ABCA1: variants seen among roughly 807,000 people sequenced by gnomAD.
ABCA1 encodes ATP binding cassette subfamily A member 1.
ABCA1 carries 133 observed loss-of-function variants against 262.5 expected under a neutral mutation model. That is an observed-to-expected ratio of 0.51 (90% CI 0.44 to 0.59). The LOEUF is 0.59. Ranked by LOEUF, ABCA1 falls within the 20% of genes least tolerant of loss-of-function variation. The probability of loss-of-function intolerance (pLI) is 0.00; values close to 1 mark genes in which losing one functional copy is unlikely to be tolerated. For missense variants in ABCA1, 2,452 were observed against 2,777.5 expected (o/e 0.88, Z 2.63); for synonymous variants, 1,022 against 1,043.5 (o/e 0.98, Z 0.40).
At chr9:104,784,924 A>C (rs188316607) in intron 49 of ABCA1, among the ~76,000 whole-genome samples, 5 of 152,154 alleles carry the variant, frequency 3.3e-5, no homozygotes, top group Admixed American at 2.0e-4. Context: ...GATTACAGGC[A>C]TGAGCCACCA....
rs1828591581 is a variant in ABCA1 at position 104,782,333 on chromosome 9, TTATA to T, written c.*1978_*1981del. On this transcript the variant is annotated 3_prime_UTR_variant, in exon 50 of 50. Transcript: ENST00000374736. ...CATTTTTTTCTTTTTCAGCAGTGGG[TTATA>T]TAATATTCTGTAAATTTAAAAAATA... The T allele has an allele frequency of 6.6e-6, 1 of 152,146 alleles. No homozygotes were observed. Among genetic ancestry groups the T allele is most frequent in the South Asian group, 2.1e-4 (1 of 4,836 alleles). The allele number at this position is 152,146 out of a possible 1,614,324, so 9.4% of individuals were successfully genotyped here. A position where few individuals can be genotyped will look rare whatever the true frequency, so the allele number is the denominator to read the frequency against.
chr9:104,845,579 G>A lies in ABCA1; in HGVS notation c.721-10C>T, dbSNP rs763857468. On this transcript the variant is annotated splice_polypyrimidine_tract_variant and intron_variant, in intron 7 of 49. Transcript: ENST00000374736. ...TAGAGTTTAGTGTTCTCTGTAATGA[G>A]AAAGAAAACTTTGTTTCTGAATTCA... 1.3e-6 allele frequency: 2 copies of A among 1,587,386 alleles called. No homozygotes were observed. The highest frequency in any genetic ancestry group is 1.7e-6 in the Non-Finnish European group (2 of 1,156,984).
Position 104,800,533 on chromosome 9 carries a change from G to A in ABCA1, c.4750C>T (p.Leu1584=), listed in dbSNP as rs924060100. 1.2e-6 allele frequency: 2 copies of A among 1,613,932 alleles called. No homozygotes were observed. The highest frequency in any genetic ancestry group is 2.7e-5 in the African/African-American group (2 of 74,916). ...LNSLGRFMTG[L]DTKNNVKVWF... ...ACCTTGACATTATTTTTGGTGTCCAGTCCTGTCATAAATCTTCCCAAGCTG... is the reference window on the plus strand; with the variant it reads ...ACCTTGACATTATTTTTGGTGTCCAATCCTGTCATAAATCTTCCCAAGCTG... Residue 1584 remains leucine (L), a synonymous_variant, in exon 35 of 50, where the codon CTG becomes TTG. Coordinates refer to ENST00000374736, the MANE Select transcript of ABCA1 (RefSeq NM_005502.4).
intron 5 of ABCA1, among the ~76,000 whole-genome samples, chr9:104,865,319 G>A (rs933608474): frequency 1.3e-5 from 2 of 152,086 alleles, no homozygotes; most frequent in Admixed American, 6.6e-5. Flanking sequence ...GAGGTCAGGA[G>A]TTTGAGATCA....
chr9:104,782,847 TTA>T lies in ABCA1; in HGVS notation c.*1466_*1467del, dbSNP rs1828621808. ...TTTCTTGGCTTTTGCATTGTTGCAA[TTA>T]AAAAAAAAAAAAAAAAGGCTGCCCA... On this transcript the variant is annotated 3_prime_UTR_variant, in exon 50 of 50. Coordinates refer to ENST00000374736, the MANE Select transcript of ABCA1 (RefSeq NM_005502.4). The T allele has an allele frequency of 8.2e-6, 1 of 121,602 alleles. No homozygotes were observed. Among genetic ancestry groups the T allele is most frequent in the East Asian group, 2.8e-4 (1 of 3,542 alleles). 7.5% of individuals were successfully genotyped at this position (121,602 alleles called of 1,614,324 possible). A position where few individuals can be genotyped will look rare whatever the true frequency, so the allele number is the denominator to read the frequency against.
At chr9:104,875,399 T>C (rs1294776619) in intron 5 of ABCA1, among the ~76,000 whole-genome samples, 1 of 147,720 alleles carries the variant, frequency 6.8e-6, no homozygotes, top group African/African-American at 2.5e-5. Flanking sequence ...ATTCATGCCA[T>C]GAACATAAGG....
chr9:104,818,609 C>T, intron 23 of ABCA1, 54 bp downstream of exon 23: 1 of 1,522,516 alleles, frequency 6.6e-7, no homozygotes, highest in Non-Finnish European at 9.1e-7. Flanking sequence ...TCACAGCCAG[C>T]AAGTCCTGGC....
At chr9:104,858,413 C>T in intron 7 of ABCA1, 109 bp downstream of exon 7, 1 of 1,219,470 alleles carries the variant, frequency 8.2e-7, no homozygotes, top group East Asian at 2.3e-5. Context: ...ATCACAAACT[C>T]CCAGCCAGCC....
At chr9:104,836,305 G>A (rs1452155391) in intron 11 of ABCA1, among the ~76,000 whole-genome samples, 2 of 152,180 alleles carry the variant, frequency 1.3e-5, no homozygotes, top group African/African-American at 4.8e-5. Flanking sequence ...CTTAAGGGGA[G>A]CAGAGACAAA....
rs764456041 is a variant in ABCA1 at position 104,788,068 on chromosome 9, A to C, written c.6070-14T>G. The C allele has an allele frequency of 1.2e-6, 2 of 1,613,994 alleles. No homozygotes were observed. Among genetic ancestry groups the C allele is most frequent in the East Asian group, 4.5e-5 (2 of 44,876 alleles). ...CCACTCACCAACCTACAGTGATAAA[A>C]AGCACCTTGACTTTGGTCTGGCTTG... On this transcript the variant is annotated splice_polypyrimidine_tract_variant and intron_variant, in intron 45 of 49. Coordinates refer to ENST00000374736, the MANE Select transcript of ABCA1 (RefSeq NM_005502.4).
rs1258559345 is a variant in ABCA1 at position 104,830,967 on chromosome 9, A to G, written c.1850T>C (p.Val617Ala). The part of the protein sequence containing the change: ...VLTGTEKKTG[V>A]YMQQMPYPCY... Reference sequence around the variant, plus strand: ...GGGATAGGGCATCTGTTGCATATAGACACCAGTTTTCTTCTCGGTGCCCGT... The same window carrying G: ...GGGATAGGGCATCTGTTGCATATAGGCACCAGTTTTCTTCTCGGTGCCCGT... Residue 617 changes from valine to alanine, a missense_variant, in exon 14 of 50, where the codon GTC becomes GCC. By Grantham distance (64) the Val-to-Ala change is moderately conservative. Around this residue, in one of 4 missense-constraint regions of ABCA1, gnomAD observed 1,032 missense variants for 1,089.7 expected, o/e 0.95. Transcript: ENST00000374736. 5.6e-6 allele frequency: 9 copies of G among 1,613,416 alleles called. No individual in the cohort carries two copies. The highest frequency in any genetic ancestry group is 7.6e-6 in the Non-Finnish European group (9 of 1,179,834).
chr9:104,850,119 T>TTTTGTTTG (rs61340012), intron 7 of ABCA1, among the ~76,000 whole-genome samples: 55,665 of 151,268 alleles, frequency 0.37, 11,810 homozygotes, highest in African/African-American at 0.59. Context: ...GGAGTGTTCT[T>TTTTGTTTG]TTTGTTTGTT....
intron 30 of ABCA1, among the ~76,000 whole-genome samples, chr9:104,807,892 T>C (rs1830927816): frequency 6.8e-6 from 1 of 146,884 alleles, no homozygotes; most frequent in Non-Finnish European, 1.5e-5. Flanking sequence ...ATATTATAAA[T>C]ATATATTTTT....
At position 104,799,956 on chromosome 9, in the gene ABCA1, G is replaced by C; in HGVS notation, c.4806C>G (p.Ile1602Met). Residue 1602 changes from isoleucine to methionine, a missense_variant, in exon 36 of 50, where the codon ATC becomes ATG. Transcript: ENST00000374736. ...VWFNNKGWHA[I>M]SSFLNVINNA... is the part of the protein sequence containing the mutation. ...TGTTGATGACATTCAGGAAAGAGCT[G>C]ATTGCATGCCAGCCCTTGTTATTGA... 1 of 1,614,122 alleles carries C rather than the reference G, an allele frequency of 6.2e-7. No individual in the cohort carries two copies.
Position 104,904,719 on chromosome 9 carries a change from A to G in ABCA1, c.-92-948T>C, listed in dbSNP as rs963806846. On this transcript the variant is annotated intron_variant, in intron 1 of 49. Transcript: ENST00000374736. ...ACCCTAGCGCTGTGTCTCTGGAAAG[A>G]AAACAGCATCCCATGGAGAAACAAG... 5.9e-5 allele frequency among the ~76,000 whole-genome samples: 9 copies of G among 152,270 alleles called. No individual in the cohort carries two copies. The East Asian group carries it at 1.7e-3, about 29-fold the overall frequency.
chr9:104,877,478 C>T (rs1265365126), intron 5 of ABCA1, among the ~76,000 whole-genome samples: 1 of 152,242 alleles, frequency 6.6e-6, no homozygotes, highest in Non-Finnish European at 1.5e-5. Flanking sequence ...CATCCAAGTA[C>T]TGACCAAGTT....
At chr9:104,871,481 G>A (rs957149563) in intron 5 of ABCA1, among the ~76,000 whole-genome samples, 7 of 152,198 alleles carry the variant, frequency 4.6e-5, no homozygotes, top group African/African-American at 1.4e-4. Context: ...AGAGGGAAAG[G>A]ATGTCCTGGT....
intron 12 of ABCA1, among the ~76,000 whole-genome samples, chr9:104,832,070 A>G (rs1833389653): frequency 6.6e-6 from 1 of 152,228 alleles, no homozygotes; most frequent in South Asian, 2.1e-4. Context: ...GTGGAGGAAA[A>G]GAGGTTAAAA....
chr9:104,852,443 C>T (rs1000603208), intron 7 of ABCA1, among the ~76,000 whole-genome samples: 27 of 152,176 alleles, frequency 1.8e-4, no homozygotes, highest in African/African-American at 6.5e-4. Context: ...CGCATTCAAA[C>T]GCTTCATTTT....
Sources: gnomAD v4.1 joint callset for allele counts (sites outside exome capture counted in the v4.1 genomes callset) on GRCh38, gnomAD v4.1.1 for gene constraint, gnomAD v4.1.1 regional missense constraint, MANE v1.5 for transcripts, NCBI Gene and HGNC (gene_info 2026-07-23, HGNC 2026-07-21) for gene names.